The following MGMT variants were observed in gnomAD, a reference collection of about 807,000 sequenced individuals.
The protein encoded by MGMT is methylated-DNA--protein-cysteine methyltransferase.
A neutral mutation model predicts 15.9 loss-of-function variants in MGMT; 14 were observed. That is an observed-to-expected ratio of 0.88 (90% CI 0.58 to 1.37). The LOEUF (loss-of-function observed/expected upper bound fraction) is 1.37. Ranked by LOEUF, MGMT falls within the 40% of genes most tolerant of loss-of-function variation. The pLI, the probability that MGMT is intolerant of heterozygous loss-of-function variation, is 0.00. For synonymous variants in MGMT, 130 were observed against 118.2 expected, an observed-to-expected ratio of 1.10 and a Z score of -0.65; for missense variants, 282 against 268.1, an observed-to-expected ratio of 1.05 and a Z score of -0.36.
intron 2 of MGMT, among the ~76,000 whole-genome samples, chr10:129,665,619 GA>G (rs1564753356): frequency 6.6e-6 from 1 of 152,116 alleles, no homozygotes; most frequent in Non-Finnish European, 1.5e-5. Flanking sequence ...GATTGAGGGG[GA>G]AAGAGGTTTC....
Position 129,520,424 on chromosome 10 carries a change from G to A in MGMT, c.-12-15817G>A, listed in dbSNP as rs146736062. ...ATCTCCTTGTCTACTCCTACCGTGC[G>A]CATACAGAGCCCCTATGGTGCGAGT... On this transcript the variant is annotated intron_variant, in intron 1 of 4. Coordinates refer to ENST00000651593, the MANE Select transcript of MGMT (RefSeq NM_002412.5). Among the ~76,000 whole-genome samples the A allele has an allele frequency of 5.2e-3, 660 of 126,224 alleles. 5 individuals are homozygous for A. The highest frequency in any genetic ancestry group is 0.021 in the African/African-American group (621 of 29,608). The allele number at this position is 126,224 out of a possible 152,430, so 82.8% of individuals were successfully genotyped here. A position where few individuals can be genotyped will look rare whatever the true frequency, so the allele number is the denominator to read the frequency against.
At chr10:129,625,389 G>C (rs571595154) in intron 2 of MGMT, among the ~76,000 whole-genome samples, 2 of 152,282 alleles carry the variant, frequency 1.3e-5, no homozygotes, top group African/African-American at 4.8e-5. Context: ...ATGACACCAA[G>C]ATGCCAAGAT....
At chr10:129,688,004 A>G (rs1333994592) in intron 2 of MGMT, among the ~76,000 whole-genome samples, 2 of 152,126 alleles carry the variant, frequency 1.3e-5, no homozygotes, top group Non-Finnish European at 2.9e-5. Context: ...AGCTTCATCC[A>G]TGTCCCTATA....
At chr10:129,637,752 A>G (rs191637101) in intron 2 of MGMT, among the ~76,000 whole-genome samples, 27 of 152,308 alleles carry the variant, frequency 1.8e-4, no homozygotes, top group African/African-American at 6.5e-4. Flanking sequence ...TAGGGCACAG[A>G]TATACCATAG....
At chr10:129,519,369 A>G (rs1845779040) in intron 1 of MGMT, among the ~76,000 whole-genome samples, 1 of 152,226 alleles carries the variant, frequency 6.6e-6, no homozygotes, top group African/African-American at 2.4e-5. Flanking sequence ...TATATGTTCA[A>G]GTTATCAAGC....
chr10:129,516,367 C>T (rs1213887684), intron 1 of MGMT, among the ~76,000 whole-genome samples: 3 of 152,146 alleles, frequency 2.0e-5, no homozygotes, highest in Admixed American at 2.0e-4. Context: ...CATGGCTGAG[C>T]AGAGCAAGGA....
At chr10:129,557,762 A>G (rs1198275506) in intron 2 of MGMT, among the ~76,000 whole-genome samples, 1 of 152,182 alleles carries the variant, frequency 6.6e-6, no homozygotes, top group Non-Finnish European at 1.5e-5. Context: ...TTCCTCTATG[A>G]CATGTTTTCA....
rs939577403 is a variant in MGMT, at chr10:129,768,223, C to T, written c.*1226C>T. Among the ~76,000 whole-genome samples, 6 of 152,184 alleles carry T rather than the reference C, an allele frequency of 3.9e-5. No homozygotes were observed. The highest frequency in any genetic ancestry group is 1.9e-4 in the East Asian group (1 of 5,182). On this transcript the variant is annotated 3_prime_UTR_variant, in exon 5 of 5. Coordinates refer to ENST00000651593, the MANE Select transcript of MGMT (RefSeq NM_002412.5). ...CTATTTCATTTTATCTTAACACCAA[C>T]GAAAGAAAACCGATTTCAGACGTTT... is the stretch of plus-strand genomic sequence containing the variant.
intron 2 of MGMT, among the ~76,000 whole-genome samples, chr10:129,635,400 C>G (rs913921103): frequency 2.0e-5 from 3 of 152,250 alleles, no homozygotes; most frequent in Non-Finnish European, 4.4e-5. Context: ...GTGTGCCCCT[C>G]CGGGTGCCCG....
intron 3 of MGMT, among the ~76,000 whole-genome samples, chr10:129,728,316 C>T (rs890725186): frequency 2.6e-5 from 4 of 152,110 alleles, no homozygotes; most frequent in African/African-American, 7.2e-5. Flanking sequence ...GAGCGATGAA[C>T]CCATACAAGT....
intron 2 of MGMT, among the ~76,000 whole-genome samples, chr10:129,629,242 A>G (rs763096695): frequency 6.6e-6 from 1 of 152,288 alleles, no homozygotes; most frequent in Non-Finnish European, 1.5e-5. Context: ...TATATGAAAC[A>G]TGCCTTATAA....
chr10:129,645,476 G>A (rs1427649152), intron 2 of MGMT, among the ~76,000 whole-genome samples: 1 of 152,210 alleles, frequency 6.6e-6, no homozygotes, highest in East Asian at 1.9e-4. Context: ...TCCACGGTGA[G>A]GTTGTGTTTG....
At chr10:129,708,177 C>G (rs1487689996) in intron 3 of MGMT, 134 bp downstream of exon 3, 37 of 1,256,840 alleles carry the variant, frequency 2.9e-5, no homozygotes, top group Non-Finnish European at 7.7e-6. Context: ...AGCGTTTGGC[C>G]GAGCTGGAGG....
intron 3 of MGMT, among the ~76,000 whole-genome samples, chr10:129,737,405 C>T (rs1248440222): frequency 3.3e-5 from 5 of 152,174 alleles, no homozygotes; most frequent in Admixed American, 6.5e-5. Context: ...TCAGCTCCAT[C>T]AGCTCCTTTA....
At chr10:129,639,199 A>T (rs1847299251) in intron 2 of MGMT, among the ~76,000 whole-genome samples, 1 of 152,156 alleles carries the variant, frequency 6.6e-6, no homozygotes, top group South Asian at 2.1e-4. Context: ...TAAGAGAAAA[A>T]AATAGATTAA....
intron 2 of MGMT, among the ~76,000 whole-genome samples, chr10:129,643,433 G>C (rs560916906): frequency 6.6e-6 from 1 of 152,302 alleles, no homozygotes; most frequent in Non-Finnish European, 1.5e-5. Context: ...CAAATCCAGG[G>C]GGAAGGTTCA....
Position 129,582,636 on chromosome 10 carries a change from T to C in MGMT, c.125+46259T>C, listed in dbSNP as rs1766137291. Reference sequence around the variant, plus strand: ...AAAAAAATGAGATATAGAATTTTAGTGTAGGTGATCTTGTGCTTTAGGATA... The same window carrying C: ...AAAAAAATGAGATATAGAATTTTAGCGTAGGTGATCTTGTGCTTTAGGATA... On this transcript the variant is annotated intron_variant, in intron 2 of 4. Coordinates refer to ENST00000651593, the MANE Select transcript of MGMT (RefSeq NM_002412.5). Among the ~76,000 whole-genome samples, 4 of 152,250 alleles carry C rather than the reference T, an allele frequency of 2.6e-5. No homozygotes were observed. In the South Asian group the frequency reaches 8.3e-4, roughly 32 times the overall value.
intron 2 of MGMT, among the ~76,000 whole-genome samples, chr10:129,549,040 GT>G (rs1444347721): frequency 6.6e-6 from 1 of 152,212 alleles, no homozygotes; most frequent in African/African-American, 2.4e-5. Context: ...TACTTACTAA[GT>G]TTGGCAAATA....
Position 129,738,848 on chromosome 10 carries a change from CAAA to C in MGMT, c.275-20349_275-20347del, listed in dbSNP as rs1564780346. Among the ~76,000 whole-genome samples the C allele has an allele frequency of 1.3e-5, 2 of 151,948 alleles. 1 individual carries two copies. Among genetic ancestry groups the C allele is most frequent in the Admixed American group, 1.3e-4 (2 of 15,260 alleles). On this transcript the variant is annotated intron_variant, in intron 3 of 4. Coordinates refer to ENST00000651593, the MANE Select transcript of MGMT (RefSeq NM_002412.5). ...ATACCAAAGGCTGGCAGAGACACAACAAAAAAAGAGAATTTTAGGCCAATATCC... is the reference window on the plus strand; with the variant it reads ...ATACCAAAGGCTGGCAGAGACACAACAAAAGAGAATTTTAGGCCAATATCC...
Sources: gnomAD v4.1 joint callset for allele counts (sites outside exome capture counted in the v4.1 genomes callset) on GRCh38, gnomAD v4.1.1 for gene constraint, MANE v1.5 for transcripts, NCBI Gene and HGNC (gene_info 2026-07-23, HGNC 2026-07-21) for gene names.